SCAI: variants seen among roughly 807,000 people sequenced by gnomAD.
The protein encoded by SCAI is protein SCAI.
Under a neutral mutation model 92.2 loss-of-function variants are expected in SCAI, and 24 were observed. That is an observed-to-expected ratio of 0.26 (90% CI 0.19 to 0.37). The LOEUF is 0.37. SCAI is among the 10% of genes least tolerant of loss of function. SCAI has a pLI of 1.00. For synonymous variants in SCAI, 261 were observed against 258.6 expected (o/e 1.01, Z -0.09); for missense variants, 450 against 736.2 (o/e 0.61, Z 4.50).
chr9:125,035,015 G>A (rs779647590), intron 3 of SCAI, among the ~76,000 whole-genome samples: 2 of 152,136 alleles, frequency 1.3e-5, no homozygotes, highest in Non-Finnish European at 2.9e-5. Context: ...TTTATGTTCT[G>A]TGAAATAAAA....
intron 2 of SCAI, among the ~76,000 whole-genome samples, chr9:125,094,278 A>T (rs1391268256): frequency 1.3e-5 from 2 of 151,904 alleles, no homozygotes; most frequent in African/African-American, 4.8e-5. Context: ...TCTTCATCCT[A>T]CTATTCTCAT....
chr9:125,010,162 G>A (rs1452314447), intron 9 of SCAI, among the ~76,000 whole-genome samples: 2 of 152,212 alleles, frequency 1.3e-5, no homozygotes, highest in African/African-American at 2.4e-5. Context: ...CATCTCACTA[G>A]GGAGCACGCA....
intron 13 of SCAI, among the ~76,000 whole-genome samples, chr9:124,999,400 A>G (rs888908669): frequency 3.3e-5 from 5 of 151,820 alleles, no homozygotes; most frequent in Admixed American, 2.6e-4. Flanking sequence ...AAAAAAAAAA[A>G]ATGTTTGGGC....
chr9:125,061,937 A>G (rs1356183117), intron 2 of SCAI, among the ~76,000 whole-genome samples: 1 of 152,160 alleles, frequency 6.6e-6, no homozygotes, highest in Non-Finnish European at 1.5e-5. Context: ...ATGGGTAAAT[A>G]TAAGCAAATA....
chr9:125,078,592 C>A (rs542305699), intron 2 of SCAI, among the ~76,000 whole-genome samples: 1 of 152,220 alleles, frequency 6.6e-6, no homozygotes, highest in East Asian at 1.9e-4. Context: ...CCCTTCCCCC[C>A]ACCACCCCTA....
chr9:125,136,188 G>A (rs1835522408), intron 2 of SCAI, among the ~76,000 whole-genome samples: 1 of 146,918 alleles, frequency 6.8e-6, no homozygotes, highest in Non-Finnish European at 1.5e-5. Context: ...ATGGCTCACT[G>A]CAGCCTCCAC....
chr9:125,127,614 T>C (rs75314172), intron 2 of SCAI, among the ~76,000 whole-genome samples: 3,419 of 152,284 alleles, frequency 0.022, 132 homozygotes, highest in African/African-American at 0.077. Context: ...GTAAGATTCA[T>C]ATGTGCTATA....
At chr9:125,037,435 AAG>A (rs1833222849) in intron 3 of SCAI, among the ~76,000 whole-genome samples, 3 of 152,044 alleles carry the variant, frequency 2.0e-5, no homozygotes, top group African/African-American at 7.2e-5. Context: ...AAAGAAAAGA[AAG>A]AAGAAAAAAA....
At chr9:125,033,089 AAGG>A (rs59490661) in intron 3 of SCAI, among the ~76,000 whole-genome samples, 25,897 of 152,002 alleles carry the variant, frequency 0.17, 2,335 homozygotes, top group East Asian at 0.24. Context: ...TAAAAGTAAT[AAGG>A]AGTTTAGAAA....
chr9:125,041,981 C>A (rs1354065530), intron 3 of SCAI, among the ~76,000 whole-genome samples: 1 of 151,486 alleles, frequency 6.6e-6, no homozygotes. Flanking sequence ...TGAAGAGTTT[C>A]AAAAAAAACT....
chr9:125,061,254 G>A (rs1161219010), intron 2 of SCAI, among the ~76,000 whole-genome samples: 1 of 151,950 alleles, frequency 6.6e-6, no homozygotes, highest in East Asian at 1.9e-4. Context: ...CAGAGATCGC[G>A]CGACTGCACT....
intron 3 of SCAI, among the ~76,000 whole-genome samples, chr9:125,053,765 T>A (rs1413391085): frequency 6.6e-6 from 1 of 152,136 alleles, no homozygotes; most frequent in South Asian, 2.1e-4. Flanking sequence ...TCTGCAAACA[T>A]ACCAAACTTT....
chr9:125,015,231 C>G (rs1781023123), intron 9 of SCAI, among the ~76,000 whole-genome samples: 2 of 152,140 alleles, frequency 1.3e-5, no homozygotes, highest in African/African-American at 2.4e-5. Context: ...AAACTACCAT[C>G]AGAATGAACA....
chr9:125,035,050 C>T (rs1003808361), intron 3 of SCAI, among the ~76,000 whole-genome samples: 3 of 152,058 alleles, frequency 2.0e-5, no homozygotes, highest in African/African-American at 4.8e-5. Context: ...CTGACCAAAA[C>T]TAAGCATGAG....
chr9:125,053,739 C>T (rs1231263299), intron 3 of SCAI, among the ~76,000 whole-genome samples: 1 of 152,138 alleles, frequency 6.6e-6, no homozygotes, highest in Non-Finnish European at 1.5e-5. Context: ...TTAAACCGTA[C>T]TAACAGCTGC....
chr9:124,971,391 C>T lies in SCAI; in HGVS notation c.1653G>A (p.Met551Ile). Residue 551 changes from methionine to isoleucine, a missense_variant, in exon 17 of 18, where the codon ATG (methionine) becomes ATA (isoleucine). Met to Ile is a conservative substitution (Grantham distance 10). This residue lies in a region of SCAI where 360 missense variants were observed against 601.8 expected (regional missense o/e 0.60). Transcript: ENST00000336505. Reference protein sequence around the residue: ...LTRFIFCSATMRMHKIFRETR... With the variant: ...LTRFIFCSATIRMHKIFRETR... ...CTACCCGAAAAATCTTGTGCATCCT[C>T]ATGGTGGCTGAACAAAAGATAAATC... 6.2e-7 allele frequency: 1 copy of T among 1,611,060 alleles called. No individual in the cohort carries two copies. The highest frequency in any genetic ancestry group is 2.2e-5 in the East Asian group (1 of 44,778).
intron 17 of SCAI, among the ~76,000 whole-genome samples, chr9:124,957,565 T>A (rs965938809): frequency 1.4e-5 from 2 of 139,980 alleles, no homozygotes; most frequent in African/African-American, 5.4e-5. Context: ...AAAGATGAGG[T>A]TTCACCACCT....
intron 2 of SCAI, among the ~76,000 whole-genome samples, chr9:125,114,179 T>G (rs1393875382): frequency 6.6e-6 from 1 of 152,160 alleles, no homozygotes; most frequent in Admixed American, 6.5e-5. Context: ...TAATTCAACT[T>G]TAACATAAGG....
At chr9:125,069,121 G>A (rs915168944) in intron 2 of SCAI, among the ~76,000 whole-genome samples, 1 of 151,802 alleles carries the variant, frequency 6.6e-6, no homozygotes, top group African/African-American at 2.4e-5. Flanking sequence ...GGGAGGCTGA[G>A]GCAGGAGAAT....
Sources: allele counts gnomAD v4.1 joint callset (sites outside exome capture counted in the v4.1 genomes callset), GRCh38; gene constraint gnomAD v4.1.1; regional missense constraint gnomAD v4.1.1; transcripts MANE v1.5; gene names NCBI Gene and HGNC (gene_info 2026-07-23, HGNC 2026-07-21).